CEACAM1: variants seen among roughly 807,000 people sequenced by gnomAD.
CEACAM1 encodes the protein CEA cell adhesion molecule 1.
A neutral mutation model predicts 49.1 loss-of-function variants in CEACAM1; 31 were observed. That is an observed-to-expected ratio of 0.63 (90% CI 0.47 to 0.85). CEACAM1 has a LOEUF of 0.85. Among genes scored for constraint, CEACAM1 ranks in the 40% least tolerant of loss-of-function variants. The probability of loss-of-function intolerance (pLI) is 0.00; values close to 1 mark genes in which losing one functional copy is unlikely to be tolerated. For synonymous variants in CEACAM1, 244 were observed against 247.8 expected, an observed-to-expected ratio of 0.98 and a Z score of 0.14; for missense variants, 570 against 645.3, an observed-to-expected ratio of 0.88 and a Z score of 1.26.
intron 4 of CEACAM1, chr19:42,519,500 CA>C: frequency 2.3e-6 from 1 of 431,622 alleles, no homozygotes; most frequent in South Asian, 3.1e-5. Context: ...TCTATATCTC[CA>C]CTTGGAATCT....
intron 8 of CEACAM1, among the ~76,000 whole-genome samples, chr19:42,510,339 G>A (rs2041427585): frequency 6.6e-6 from 1 of 152,176 alleles, no homozygotes; most frequent in South Asian, 2.1e-4. Flanking sequence ...ACCTGCCTTG[G>A]CCTCCCAAAG....
intron 5 of CEACAM1, among the ~76,000 whole-genome samples, chr19:42,513,481 C>T (rs984743292): frequency 1.3e-5 from 2 of 151,800 alleles, no homozygotes; most frequent in African/African-American, 4.8e-5. Context: ...CCTATAATCC[C>T]AGCTACTTGA....
rs2041387697 is a variant in CEACAM1 at position 42,508,897 on chromosome 19, G to A, written c.*212C>T. 2.0e-6 allele frequency: 1 copy of A among 502,490 alleles called. No individual in the cohort carries two copies. The highest frequency in any genetic ancestry group is 3.8e-5 in the Admixed American group (1 of 26,054). 31.1% of individuals were successfully genotyped at this position (502,490 alleles called of 1,614,324 possible). A position where few individuals can be genotyped will look rare whatever the true frequency, so the allele number is the denominator to read the frequency against. ...GCCAAATTTCAATGACAAGAAGGTTGGGTTTCCTACAGACTCCCAATGTAC... is the reference window on the plus strand; with the variant it reads ...GCCAAATTTCAATGACAAGAAGGTTAGGTTTCCTACAGACTCCCAATGTAC... On this transcript the variant is annotated 3_prime_UTR_variant, in exon 9 of 9. Transcript: ENST00000161559.
Position 42,527,383 on chromosome 19 carries a change from A to G in CEACAM1, c.82T>C (p.Trp28Arg). The G allele has an allele frequency of 6.2e-7, 1 of 1,602,720 alleles. No individual in the cohort carries two copies. The highest frequency in any genetic ancestry group is 8.5e-7 in the Non-Finnish European group (1 of 1,173,952). The change falls in exon 2 of 9, where the codon TGG becomes CGG. Residue 28 changes from tryptophan (W) to arginine (R), a missense_variant. Trp to Arg is a moderately radical substitution (Grantham distance 101, BLOSUM62 -3). Coordinates refer to ENST00000161559, the MANE Select transcript of CEACAM1 (RefSeq NM_001712.5). ...AGCTGGGCAGTGGTGGGCGGGTTCC[A>G]GAAGGTTAGAAGTGAGGCTAGGAGA... ...LLLTASLLTFWNPPTTAQLTT... is the reference protein window; with the variant it reads ...LLLTASLLTFRNPPTTAQLTT...
chr19:42,511,518 AG>A, intron 7 of CEACAM1, 57 bp downstream of exon 7: 2 of 1,395,248 alleles, frequency 1.4e-6, no homozygotes, highest in Non-Finnish European at 2.0e-6. Flanking sequence ...ATTCCCTGCC[AG>A]GGGAGGGCAC....
At chr19:42,516,879 CA>C in intron 5 of CEACAM1, 5 of 416,960 alleles carry the variant, frequency 1.2e-5, no homozygotes, top group Admixed American at 3.0e-5. Flanking sequence ...CAAAGAAAAG[CA>C]AAAAAACAAA....
intron 8 of CEACAM1, 92 bp downstream of exon 8, chr19:42,510,797 A>C: frequency 8.2e-7 from 1 of 1,216,926 alleles, no homozygotes; most frequent in Non-Finnish European, 1.2e-6. Flanking sequence ...ATTAACCCAA[A>C]CTTGATGTTA....
rs1456492575 is a variant in CEACAM1, at chr19:42,509,096, A to G, written c.*13T>C. On this transcript the variant is annotated 3_prime_UTR_variant, in exon 9 of 9. Transcript: ENST00000161559. Reference sequence around the variant, plus strand: ...GAAATACATCAGCACTGCAGTGAGCAGGACAGGTTTCATTACTGCTTTTTT... The same window carrying G: ...GAAATACATCAGCACTGCAGTGAGCGGGACAGGTTTCATTACTGCTTTTTT... 6.2e-7 allele frequency: 1 copy of G among 1,613,974 alleles called. No individual in the cohort carries two copies. Among genetic ancestry groups the G allele is most frequent in the Admixed American group, 1.7e-5 (1 of 60,000 alleles).
intron 5 of CEACAM1, chr19:42,514,951 G>A (rs1034550689): frequency 1.6e-6 from 1 of 634,140 alleles, no homozygotes; most frequent in East Asian, 3.0e-5. Context: ...TTTGCTGAAG[G>A]TTTATTATTA....
chr19:42,520,157 ACG>A (rs1464679929), intron 4 of CEACAM1, among the ~76,000 whole-genome samples: 1 of 152,164 alleles, frequency 6.6e-6, no homozygotes, highest in Admixed American at 6.5e-5. Flanking sequence ...CTACAAATAC[ACG>A]CTGTTTGGCA....
In CEACAM1 at chr19:42,518,988, G is replaced by T; in HGVS notation, c.1206C>A (p.Ile402=). 1.2e-6 allele frequency: 2 copies of T among 1,613,098 alleles called. No homozygotes were observed. Among genetic ancestry groups the T allele is most frequent in the African/African-American group, 2.7e-5 (2 of 75,022 alleles). Residue 402 remains isoleucine (I), a synonymous_variant, in exon 5 of 9, where the codon ATC becomes ATA. Coordinates refer to ENST00000161559, the MANE Select transcript of CEACAM1 (RefSeq NM_001712.5). The part of the protein sequence containing the change: ...GTYWCEVFNP[I]SKNQSDPIML... ...TGATGGGGTCGCTTTGGTTCTTACTGATTGGGTTGAAGACCTCACACCAAT... is the reference window on the plus strand; with the variant it reads ...TGATGGGGTCGCTTTGGTTCTTACTTATTGGGTTGAAGACCTCACACCAAT...
intron 4 of CEACAM1, among the ~76,000 whole-genome samples, chr19:42,519,712 G>C (rs980925107): frequency 3.3e-5 from 5 of 152,018 alleles, no homozygotes; most frequent in African/African-American, 4.8e-5. Context: ...TGGGACTAAA[G>C]GCATGTGCCA....
chr19:42,515,665 A>T (rs1600221097), intron 5 of CEACAM1, among the ~76,000 whole-genome samples: 1 of 127,906 alleles, frequency 7.8e-6, no homozygotes, highest in African/African-American at 4.9e-5. Context: ...TCTCAAACCG[A>T]AAAAAAAAAG....
intron 6 of CEACAM1, among the ~76,000 whole-genome samples, chr19:42,511,917 T>TC (rs1293494266): frequency 3.9e-5 from 6 of 152,142 alleles, no homozygotes; most frequent in Non-Finnish European, 7.3e-5. Context: ...CTTTTTTTTT[T>TC]TTCTCTATTT....
intron 7 of CEACAM1, 170 bp from the exon 8 acceptor site, chr19:42,511,090 G>A: frequency 1.5e-6 from 1 of 646,958 alleles, no homozygotes; most frequent in Non-Finnish European, 2.8e-6. Flanking sequence ...CCAGAGAGGG[G>A]GCAGGGGCAG....
Position 42,527,504 on chromosome 19 carries a change from A to AGTGTGTGTGT in CEACAM1, c.65-114_65-105dup, listed in dbSNP as rs3038002. The AGTGTGTGTGT allele has an allele frequency of 1.5e-3, 1,060 of 715,496 alleles. 6 individuals carry two copies. Among genetic ancestry groups the AGTGTGTGTGT allele is most frequent in the East Asian group, 3.2e-3 (107 of 33,212 alleles). The allele number at this position is 715,496 out of a possible 1,614,324, so 44.3% of individuals were successfully genotyped here. ...AGGTGTCTTCACCCCTCCACCTTGGAGTGTGTGTGTGTGTGTGTGTGTGTG... is the reference window on the plus strand; with the variant it reads ...AGGTGTCTTCACCCCTCCACCTTGGAGTGTGTGTGTGTGTGTGTGTGTGTGTGTGTGTGTG... On this transcript the variant is annotated intron_variant, in intron 1 of 8. Coordinates refer to ENST00000161559, the MANE Select transcript of CEACAM1 (RefSeq NM_001712.5).
chr19:42,526,434 G>A (rs988049696), intron 2 of CEACAM1, among the ~76,000 whole-genome samples: 1 of 152,160 alleles, frequency 6.6e-6, no homozygotes, highest in Non-Finnish European at 1.5e-5. Context: ...TTGTCCATCT[G>A]TCCTCTCCAG....
chr19:42,522,309 C>G, intron 2 of CEACAM1, 107 bp from the exon 3 acceptor site: 1 of 1,522,562 alleles, frequency 6.6e-7, no homozygotes, highest in Non-Finnish European at 8.8e-7. Flanking sequence ...GAGCCTCGCT[C>G]TGTCACCCAG....
chr19:42,518,757 C>T (rs1242110022), intron 5 of CEACAM1, 191 bp downstream of exon 5: 1 of 662,772 alleles, frequency 1.5e-6, no homozygotes, highest in East Asian at 2.7e-5. Flanking sequence ...GCCTTGGCCT[C>T]CCAAACTGCT....
Sources: allele counts gnomAD v4.1 joint callset (sites outside exome capture counted in the v4.1 genomes callset), GRCh38; gene constraint gnomAD v4.1.1; transcripts MANE v1.5; gene names NCBI Gene and HGNC (gene_info 2026-07-23, HGNC 2026-07-21).